Variants in TUSC3 observed in about 807,000 individuals in gnomAD.
TUSC3 encodes dolichyl-diphosphooligosaccharide--protein glycosyltransferase subunit TUSC3.
A neutral mutation model predicts 44.8 loss-of-function variants in TUSC3; 45 were observed. The observed-to-expected ratio is 1.00, with a 90% CI of 0.79 to 1.29. The LOEUF (loss-of-function observed/expected upper bound fraction) is 1.29. Ranked by LOEUF, TUSC3 falls within the 50% of genes most tolerant of loss-of-function variation. The pLI is 0.00. For synonymous variants in TUSC3, 212 were observed against 152.9 expected (o/e 1.39, Z -2.85); for missense variants, 519 against 437.9 (o/e 1.19, Z -1.65).
At chr8:15,847,287 A>G in the TUSC3 span, among the ~76,000 whole-genome samples, 2 of 152,188 alleles carry the variant, frequency 1.3e-5, no homozygotes, top group Admixed American at 1.3e-4. Context: ...TTAAAGAAAA[A>G]TGATCTTGGC....
In TUSC3 at chr8:15,634,924, C is replaced by T. The variant is rs140927650; in HGVS notation, c.308+11675C>T. Among the ~76,000 whole-genome samples the T allele has an allele frequency of 4.4e-4, 67 of 152,286 alleles. 1 individual carries two copies. The highest frequency in any genetic ancestry group is 1.4e-3 in the African/African-American group (60 of 41,578). On this transcript the variant is annotated intron_variant, in intron 2 of 10. Coordinates refer to ENST00000503731, the MANE Select transcript of TUSC3 (RefSeq NM_006765.4). ...TGATTACATCCTTCACTTTGGCCTC[C>T]GTAGGCCACTGCAGGAGGGCTTAGT...
chr8:15,701,106 G>A (rs138036990), intron 6 of TUSC3, among the ~76,000 whole-genome samples: 65 of 152,024 alleles, frequency 4.3e-4, no homozygotes, highest in Non-Finnish European at 7.7e-4. Context: ...ATCTTAAATG[G>A]ACTTTAAAAA....
chr8:15,512,066 G>C (rs996638310), intron 2 of TUSC3, among the ~76,000 whole-genome samples: 10 of 152,114 alleles, frequency 6.6e-5, no homozygotes, highest in East Asian at 3.9e-4. Flanking sequence ...GAACACCTTT[G>C]AAAAAGAGGA....
At chr8:15,657,512 G>A (rs1396222028) in intron 3 of TUSC3, among the ~76,000 whole-genome samples, 2 of 152,176 alleles carry the variant, frequency 1.3e-5, no homozygotes, top group African/African-American at 2.4e-5. Context: ...ATTTCCGTCT[G>A]AGACCTCATC....
intron 1 of TUSC3, among the ~76,000 whole-genome samples, chr8:15,470,955 AAATGAATGAATGAATG>A (rs34953309): frequency 1.3e-5 from 2 of 151,870 alleles, no homozygotes; most frequent in African/African-American, 4.8e-5. Context: ...GTGAGTGGGA[AAATGAATGAATGAATG>A]AATGAATGAA....
intron 3 of TUSC3, among the ~76,000 whole-genome samples, chr8:15,654,291 T>C (rs192971781): frequency 9.7e-4 from 147 of 152,152 alleles, no homozygotes; most frequent in Non-Finnish European, 1.5e-3. Flanking sequence ...ATGAACAAAG[T>C]ATGGAATGGG....
intron 2 of TUSC3, among the ~76,000 whole-genome samples, chr8:15,498,952 C>G (rs1311879691): frequency 3.3e-5 from 5 of 152,096 alleles, no homozygotes; most frequent in Non-Finnish European, 5.9e-5. Context: ...GATACAGGTG[C>G]CTTTTATTTT....
intron 2 of TUSC3, among the ~76,000 whole-genome samples, chr8:15,497,137 GGT>G: frequency 6.6e-6 from 1 of 152,168 alleles, no homozygotes. Context: ...AAGGTATGGT[GGT>G]TGTCGTTTCA....
intron 1 of TUSC3, among the ~76,000 whole-genome samples, chr8:15,429,123 A>T (rs953954276): frequency 6.6e-6 from 1 of 152,104 alleles, no homozygotes; most frequent in Admixed American, 6.5e-5. Context: ...TAAGTCTTTA[A>T]TCCATGTTGA....
intron 1 of TUSC3, among the ~76,000 whole-genome samples, chr8:15,542,233 A>G (rs932060209): frequency 3.3e-5 from 5 of 152,104 alleles, no homozygotes; most frequent in African/African-American, 4.8e-5. Context: ...CTGATTGGCA[A>G]TTGGTTGAAA....
intron 2 of TUSC3, among the ~76,000 whole-genome samples, chr8:15,534,595 A>G (rs1801496345): frequency 1.3e-5 from 2 of 150,254 alleles, no homozygotes; most frequent in South Asian, 2.1e-4. Context: ...AGTGGCCGAG[A>G]TCGCGCCACT....
the TUSC3 span, among the ~76,000 whole-genome samples, chr8:15,789,371 A>G: frequency 2.0e-4 from 31 of 152,276 alleles, no homozygotes; most frequent in Admixed American, 1.4e-3. Flanking sequence ...ATTTTCAACA[A>G]TGGTGTTTCA....
intron 2 of TUSC3, among the ~76,000 whole-genome samples, chr8:15,632,226 C>G (rs1411653611): frequency 2.0e-5 from 3 of 152,152 alleles, no homozygotes; most frequent in Non-Finnish European, 2.9e-5. Flanking sequence ...CGTTTCCACA[C>G]TTAAACAAGA....
At chr8:15,799,810 G>C in the TUSC3 span, among the ~76,000 whole-genome samples, 1 of 152,130 alleles carries the variant, frequency 6.6e-6, no homozygotes, top group South Asian at 2.1e-4. Context: ...GCCTGCCCCA[G>C]TTTCATGGAT....
At chr8:15,471,252 T>C (rs11203706) in intron 1 of TUSC3, among the ~76,000 whole-genome samples, 99,251 of 152,022 alleles carry the variant, frequency 0.65, 32,834 homozygotes, top group East Asian at 0.77. Flanking sequence ...TTTATTTCAG[T>C]GTTTAGTAGT....
intron 7 of TUSC3, among the ~76,000 whole-genome samples, chr8:15,737,853 CA>C (rs1189249298): frequency 6.6e-6 from 1 of 152,084 alleles, no homozygotes; most frequent in Non-Finnish European, 1.5e-5. Flanking sequence ...CTTCTTCCTG[CA>C]TATAAAAATT....
chr8:15,767,948 G>A (rs557647930), downstream of TUSC3, among the ~76,000 whole-genome samples: 6 of 152,244 alleles, frequency 3.9e-5, no homozygotes, highest in East Asian at 3.9e-4. Flanking sequence ...AGGGACTCTA[G>A]AAGGACATAC....
intron 9 of TUSC3, among the ~76,000 whole-genome samples, chr8:15,752,593 G>A (rs1026256116): frequency 6.6e-6 from 1 of 152,004 alleles, no homozygotes; most frequent in Non-Finnish European, 1.5e-5. Flanking sequence ...GGATCATGGA[G>A]ATCATATCAC....
the TUSC3 span, among the ~76,000 whole-genome samples, chr8:15,785,112 A>G: frequency 6.6e-6 from 1 of 152,150 alleles, no homozygotes; most frequent in Non-Finnish European, 1.5e-5. Flanking sequence ...AATTTCTAAC[A>G]TATTAGGTAC....
Sources: allele counts gnomAD v4.1 joint callset (sites outside exome capture counted in the v4.1 genomes callset), GRCh38; gene constraint gnomAD v4.1.1; transcripts MANE v1.5; gene names NCBI Gene and HGNC (gene_info 2026-07-23, HGNC 2026-07-21).